XRN2: variants seen among roughly 807,000 people sequenced by gnomAD.
XRN2 encodes 5'-3' exoribonuclease 2.
Under a neutral mutation model 138.5 loss-of-function variants are expected in XRN2, and 44 were observed. That is an observed-to-expected ratio of 0.32 (90% CI 0.25 to 0.41). The LOEUF (loss-of-function observed/expected upper bound fraction) is 0.41. Among genes scored for constraint, XRN2 ranks in the 10% least tolerant of loss-of-function variants. The pLI is 1.00. For missense variants in XRN2, 937 were observed against 1,169.3 expected (o/e 0.80, Z 2.90); for synonymous variants, 354 against 369.4 (o/e 0.96, Z 0.48).
At chr20:21,305,747 CT>C (rs367955344) in intron 1 of XRN2, among the ~76,000 whole-genome samples, 21,453 of 39,116 alleles carry the variant, frequency 0.55, 8,759 homozygotes, top group Non-Finnish European at 0.7. Flanking sequence ...ATTCTTAATT[CT>C]TTTTTTTTTT....
intron 1 of XRN2, among the ~76,000 whole-genome samples, chr20:21,324,253 G>A (rs1015638473): frequency 2.6e-5 from 4 of 151,782 alleles, no homozygotes; most frequent in African/African-American, 9.7e-5. Context: ...AGATTGTCTA[G>A]TAGCTTCTTC....
chr20:21,342,129 C>G (rs1039267037), intron 15 of XRN2, among the ~76,000 whole-genome samples: 25 of 152,070 alleles, frequency 1.6e-4, no homozygotes, highest in Non-Finnish European at 3.1e-4. Context: ...CTAGAATGTT[C>G]TAAATTTAAG....
At chr20:21,354,231 C>G (rs979578188) in intron 20 of XRN2, among the ~76,000 whole-genome samples, 3 of 152,080 alleles carry the variant, frequency 2.0e-5, no homozygotes, top group African/African-American at 7.2e-5. Context: ...GTTATTTAAG[C>G]AAGTCTTTAA....
At chr20:21,335,747 C>T (rs1411075258) in intron 13 of XRN2, among the ~76,000 whole-genome samples, 1 of 152,220 alleles carries the variant, frequency 6.6e-6, no homozygotes, top group East Asian at 1.9e-4. Context: ...ACAGTAGCTT[C>T]TACTGTCTCT....
At chr20:21,304,301 T>C (rs1458291715) in intron 1 of XRN2, among the ~76,000 whole-genome samples, 1 of 152,118 alleles carries the variant, frequency 6.6e-6, no homozygotes, top group Non-Finnish European at 1.5e-5. Context: ...ACCTCACTCC[T>C]TAGTTTTTGA....
At chr20:21,358,937 A>G (rs2038606029) in intron 24 of XRN2, among the ~76,000 whole-genome samples, 3 of 152,334 alleles carry the variant, frequency 2.0e-5, no homozygotes, top group African/African-American at 7.2e-5. Context: ...TCTGGCTTTC[A>G]TTAAAGCATT....
Position 21,303,481 on chromosome 20 carries a change from G to A in XRN2, c.75+8G>A, listed in dbSNP as rs1159666651. ...AACTGCGTGGAAGAGAAGGTGAGGA[G>A]GCGCCAGGCGGCCGCCACACTCGAG... On this transcript the variant is annotated splice_region_variant and intron_variant, in intron 1 of 29. Coordinates refer to ENST00000377191, the MANE Select transcript of XRN2 (RefSeq NM_012255.5). The A allele has an allele frequency of 6.5e-7, 1 of 1,537,856 alleles. No homozygotes were observed. Among genetic ancestry groups the A allele is most frequent in the South Asian group, 1.2e-5 (1 of 82,828 alleles).
chr20:21,387,928 A>ACC (rs1230167778), intron 29 of XRN2, among the ~76,000 whole-genome samples: 2 of 137,682 alleles, frequency 1.5e-5, no homozygotes, highest in East Asian at 4.4e-4. Flanking sequence ...GAAGATAATC[A>ACC]CCTTAATTGC....
Position 21,333,944 on chromosome 20 carries a change from G to T in XRN2, c.1075G>T (p.Ala359Ser). The T allele has an allele frequency of 6.2e-7, 1 of 1,614,126 alleles. No individual in the cohort carries two copies. Among genetic ancestry groups the T allele is most frequent in the Non-Finnish European group, 8.5e-7 (1 of 1,179,994 alleles). ...HLPSLEIREN[A>S]IDRLVNIYKN... ...TTTGTCTCTTGCTGACAGGGAAAAT[G>T]CAATTGACCGTTTGGTTAACATATA... Residue 359 changes from alanine to serine, a missense_variant, in exon 12 of 30, where the codon GCA (alanine) becomes TCA (serine). Physicochemically the swap from Ala to Ser is moderately conservative, Grantham distance 99. Around this residue, in one of 6 missense-constraint regions of XRN2, gnomAD observed 471 missense variants for 581.2 expected, o/e 0.81. Coordinates refer to ENST00000377191, the MANE Select transcript of XRN2 (RefSeq NM_012255.5).
chr20:21,368,432 T>C, intron 26 of XRN2, 31 bp from the exon 27 acceptor site: 2 of 1,601,230 alleles, frequency 1.2e-6, no homozygotes, highest in Non-Finnish European at 8.5e-7. Flanking sequence ...CACTATACAA[T>C]TTTTTTTTCT....
At chr20:21,377,970 A>G (rs1210978638) in intron 27 of XRN2, among the ~76,000 whole-genome samples, 1 of 152,092 alleles carries the variant, frequency 6.6e-6, no homozygotes, top group Non-Finnish European at 1.5e-5. Flanking sequence ...AGACCGGCTG[A>G]TCTCTTTGAA....
intron 1 of XRN2, among the ~76,000 whole-genome samples, chr20:21,319,764 A>C (rs1486099610): frequency 6.6e-6 from 1 of 152,114 alleles, no homozygotes; most frequent in African/African-American, 2.4e-5. Flanking sequence ...ATAATCCAAC[A>C]ATACATTTTT....
intron 27 of XRN2, among the ~76,000 whole-genome samples, chr20:21,378,457 C>G (rs1054525236): frequency 6.6e-6 from 1 of 152,112 alleles, no homozygotes; most frequent in Non-Finnish European, 1.5e-5. Context: ...GGGGACATAG[C>G]CCCTGGCCTC....
chr20:21,326,453 C>G, intron 2 of XRN2, 37 bp from the exon 3 acceptor site: 1 of 1,613,700 alleles, frequency 6.2e-7, no homozygotes, highest in South Asian at 1.1e-5. Flanking sequence ...ACAGAGGAAA[C>G]ATTATATTAT....
chr20:21,308,005 C>T (rs1191130556), intron 1 of XRN2, among the ~76,000 whole-genome samples: 3 of 74,794 alleles, frequency 4.0e-5, no homozygotes, highest in Middle Eastern at 0.019. Context: ...GGTGCGATCT[C>T]GGCTCACTGC....
intron 6 of XRN2, 57 bp from the exon 7 acceptor site, chr20:21,331,504 T>C: frequency 7.0e-7 from 1 of 1,438,286 alleles, no homozygotes; most frequent in Non-Finnish European, 9.7e-7. Flanking sequence ...ATTCTTTTGA[T>C]TTTTGTGCCT....
At chr20:21,331,511 G>A (rs1394083238) in intron 6 of XRN2, 50 bp from the exon 7 acceptor site, 2 of 1,466,656 alleles carry the variant, frequency 1.4e-6, no homozygotes, top group Non-Finnish European at 9.5e-7. Flanking sequence ...TGATTTTTGT[G>A]CCTATAGAAA....
intron 24 of XRN2, among the ~76,000 whole-genome samples, chr20:21,364,925 TG>T (rs1344189336): frequency 6.6e-6 from 1 of 152,204 alleles, no homozygotes; most frequent in Non-Finnish European, 1.5e-5. Flanking sequence ...TAATTTTTTT[TG>T]TTAAGTCCAT....
chr20:21,309,559 C>T (rs536146256), intron 1 of XRN2, among the ~76,000 whole-genome samples: 108 of 151,612 alleles, frequency 7.1e-4, no homozygotes, highest in African/African-American at 2.3e-3. Context: ...CTTTTTTTTT[C>T]AGCTCATCAG....
Sources: gnomAD v4.1 joint callset for allele counts (sites outside exome capture counted in the v4.1 genomes callset) on GRCh38, gnomAD v4.1.1 for gene constraint, gnomAD v4.1.1 regional missense constraint, MANE v1.5 for transcripts, NCBI Gene and HGNC (gene_info 2026-07-23, HGNC 2026-07-21) for gene names.